The following CSMD1 variants were observed in gnomAD, a reference collection of about 807,000 sequenced individuals.
CSMD1 encodes CUB and Sushi multiple domains 1, also known as CUB and sushi domain-containing protein 1.
A neutral mutation model predicts 417.5 loss-of-function variants in CSMD1; 213 were observed. That is an observed-to-expected ratio of 0.51 (90% CI 0.46 to 0.57). The LOEUF is 0.57. CSMD1 is among the 20% of genes least tolerant of loss of function. The pLI is 0.00. For synonymous variants in CSMD1, 2,862 were observed against 1,736.8 expected, an observed-to-expected ratio of 1.65 and a Z score of -16.11; for missense variants, 6,923 against 4,529.7, an observed-to-expected ratio of 1.53 and a Z score of -15.17.
intron 3 of CSMD1, among the ~76,000 whole-genome samples, chr8:4,057,673 C>A (rs184931624): frequency 1.2e-4 from 18 of 151,492 alleles, no homozygotes; most frequent in African/African-American, 4.1e-4. Context: ...TTAGGTGTAA[C>A]GTTTAAGTCT....
chr8:4,023,040 A>G (rs896849837), intron 4 of CSMD1, among the ~76,000 whole-genome samples: 2 of 152,194 alleles, frequency 1.3e-5, no homozygotes, highest in Admixed American at 6.5e-5. Context: ...GAGCTCACAG[A>G]TGCTTCCATT....
At chr8:3,935,801 A>C (rs1207674710) in intron 5 of CSMD1, among the ~76,000 whole-genome samples, 1 of 152,134 alleles carries the variant, frequency 6.6e-6, no homozygotes, top group Non-Finnish European at 1.5e-5. Flanking sequence ...AGTGGCCTTT[A>C]TGTGCTCAAG....
chr8:4,638,065 T>C (rs1358338694), intron 1 of CSMD1, among the ~76,000 whole-genome samples: 1 of 152,152 alleles, frequency 6.6e-6, no homozygotes. Flanking sequence ...AACAACAAAT[T>C]AAAAGAAAAT....
At chr8:3,855,553 T>G (rs1343019752) in intron 5 of CSMD1, among the ~76,000 whole-genome samples, 1 of 152,224 alleles carries the variant, frequency 6.6e-6, no homozygotes, top group Non-Finnish European at 1.5e-5. Flanking sequence ...TTAATGAGTT[T>G]AACAGAAATA....
intron 1 of CSMD1, among the ~76,000 whole-genome samples, chr8:4,706,059 CACAAT>C (rs1807918067): frequency 6.7e-6 from 1 of 150,268 alleles, no homozygotes; most frequent in Non-Finnish European, 1.5e-5. Flanking sequence ...TTTATATATA[CACAAT>C]ACATGATACA....
chr8:3,596,186 G>A (rs1165745191), intron 8 of CSMD1, among the ~76,000 whole-genome samples: 1 of 152,150 alleles, frequency 6.6e-6, no homozygotes. Flanking sequence ...GAAGGAAGCA[G>A]AGCTCCAGCA....
intron 3 of CSMD1, among the ~76,000 whole-genome samples, chr8:4,270,864 T>C (rs1265379301): frequency 6.6e-6 from 1 of 151,952 alleles, no homozygotes; most frequent in Non-Finnish European, 1.5e-5. Flanking sequence ...ATGCTTGAAA[T>C]CCCCCTCTGA....
At chr8:4,379,756 A>G (rs902748190) in intron 3 of CSMD1, among the ~76,000 whole-genome samples, 2 of 152,138 alleles carry the variant, frequency 1.3e-5, no homozygotes, top group Non-Finnish European at 2.9e-5. Flanking sequence ...AATGAGAAAA[A>G]TCTATGGCCC....
intron 5 of CSMD1, among the ~76,000 whole-genome samples, chr8:3,968,522 G>A (rs1160255064): frequency 1.3e-5 from 2 of 149,796 alleles, no homozygotes; most frequent in African/African-American, 2.5e-5. Context: ...GCAACATACT[G>A]CAAATGCCAT....
At chr8:3,504,059 T>C (rs1796721609) in intron 10 of CSMD1, among the ~76,000 whole-genome samples, 2 of 152,190 alleles carry the variant, frequency 1.3e-5, no homozygotes, top group South Asian at 4.1e-4. Context: ...AACAACAATT[T>C]GCTGTGTATT....
Position 4,736,815 on chromosome 8 carries a change from A to G in CSMD1, c.86-99257T>C, listed in dbSNP as rs561977700. ...TATAAACAAGTGCCTTCACTTCCCC[A>G]CTGTGCTGTCTGATTTGTGGGGTAA... On this transcript the variant is annotated intron_variant, in intron 1 of 69. Coordinates refer to ENST00000635120, the MANE Select transcript of CSMD1 (RefSeq NM_033225.6). Among the ~76,000 whole-genome samples the G allele has an allele frequency of 8.5e-5, 13 of 152,272 alleles. 1 individual carries two copies. The South Asian group carries it at 2.5e-3, about 29-fold the overall frequency.
At chr8:4,272,124 T>C (rs1406337796) in intron 3 of CSMD1, among the ~76,000 whole-genome samples, 1 of 152,194 alleles carries the variant, frequency 6.6e-6, no homozygotes, top group African/African-American at 2.4e-5. Context: ...TGTGTGTGTG[T>C]GGCTGGACAC....
At chr8:4,330,702 G>T (rs891869318) in intron 3 of CSMD1, among the ~76,000 whole-genome samples, 1 of 151,680 alleles carries the variant, frequency 6.6e-6, no homozygotes, top group South Asian at 2.1e-4. Context: ...TCAATTTTCT[G>T]TAGGTTGAGG....
intron 5 of CSMD1, among the ~76,000 whole-genome samples, chr8:3,822,733 G>C (rs1347051867): frequency 1.3e-5 from 2 of 152,166 alleles, no homozygotes; most frequent in Non-Finnish European, 2.9e-5. Context: ...TTTGGGTTTT[G>C]TTTGGCACCA....
intron 3 of CSMD1, among the ~76,000 whole-genome samples, chr8:4,330,205 A>G (rs1028474399): frequency 4.9e-5 from 6 of 121,346 alleles, no homozygotes; most frequent in East Asian, 2.0e-4. Context: ...CAATTTCTCC[A>G]TAACACCCGT....
chr8:3,142,600 G>C lies in CSMD1; in HGVS notation c.6106C>G (p.His2036Asp). The C allele has an allele frequency of 6.2e-7, 1 of 1,613,922 alleles. No individual in the cohort carries two copies. Among genetic ancestry groups the C allele is most frequent in the Non-Finnish European group, 8.5e-7 (1 of 1,179,852 alleles). ...DFLEIQNGPY[H>D]TSPMIGQFSG... ...AATTGTCCAATCATGGGGCTGGTGTGGTAAGGTCCATTTTGAATTTCAAGG... is the reference window on the plus strand; with the variant it reads ...AATTGTCCAATCATGGGGCTGGTGTCGTAAGGTCCATTTTGAATTTCAAGG... The change falls in exon 41 of 70, where the codon CAC (histidine) becomes GAC (aspartate). Residue 2036 changes from histidine (H) to aspartate (D), a missense_variant. Coordinates refer to ENST00000635120, the MANE Select transcript of CSMD1 (RefSeq NM_033225.6).
intron 3 of CSMD1, among the ~76,000 whole-genome samples, chr8:4,312,679 C>A (rs374247972): frequency 6.6e-6 from 1 of 151,790 alleles, no homozygotes; most frequent in African/African-American, 2.4e-5. Context: ...GAGTTTGAGA[C>A]CAGCCTGGCC....
intron 18 of CSMD1, among the ~76,000 whole-genome samples, chr8:3,370,164 C>T (rs960333569): frequency 6.6e-6 from 1 of 152,166 alleles, no homozygotes; most frequent in Non-Finnish European, 1.5e-5. Flanking sequence ...GAATAGACTC[C>T]ATATGCCCTA....
rs145903962 is a variant in CSMD1 at position 4,966,616 on chromosome 8, G to A, written c.85+27716C>T. On this transcript the variant is annotated intron_variant, in intron 1 of 69. Transcript: ENST00000635120. ...TTGTGATTGAGAGGTACTGTCTTAG[G>A]TAGGTTCACCCTGTACAAACACAGA... Among the ~76,000 whole-genome samples the A allele has an allele frequency of 2.2e-3, 332 of 152,236 alleles. 1 individual carries two copies. Among genetic ancestry groups the A allele is most frequent in the African/African-American group, 7.2e-3 (298 of 41,538 alleles).
Sources: allele counts gnomAD v4.1 joint callset (sites outside exome capture counted in the v4.1 genomes callset), GRCh38; gene constraint gnomAD v4.1.1; transcripts MANE v1.5; gene names NCBI Gene and HGNC (gene_info 2026-07-23, HGNC 2026-07-21).